Variants in ACSM3 observed in about 807,000 individuals in gnomAD.
The protein encoded by ACSM3 is acyl-CoA synthetase medium chain family member 3, also known as acyl-coenzyme A synthetase ACSM3, mitochondrial.
A neutral mutation model predicts 74.1 loss-of-function variants in ACSM3; 61 were observed. That is an observed-to-expected ratio of 0.82 (90% CI 0.67 to 1.02). The LOEUF is 1.02. ACSM3 is among the 50% of genes least tolerant of loss of function. ACSM3 has a pLI of 0.00. For missense variants in ACSM3, 660 were observed against 697.0 expected (o/e 0.95, Z 0.60); for synonymous variants, 213 against 241.5 (o/e 0.88, Z 1.09).
In ACSM3 at chr16:20,682,201, A is replaced by C. The variant is rs920880885; in HGVS notation, c.-190+7379A>C. ...ACCCCACTGGTCTCTCTGATTCCTA[A>C]ATTATCCCACAACAACTGTACTCAG... On this transcript the variant is annotated intron_variant, in intron 1 of 3. Coordinates refer to the ACSM3 transcript ENST00000561584. 3 of 1,569,422 alleles carry C rather than the reference A, an allele frequency of 1.9e-6. No individual in the cohort carries two copies. The African/African-American group carries it at 4.1e-5, about 21-fold the overall frequency.
At chr16:20,752,182 T>G (rs576135319) in intron 2 of ACSM3, among the ~76,000 whole-genome samples, 3 of 151,968 alleles carry the variant, frequency 2.0e-5, no homozygotes, top group African/African-American at 7.2e-5. Flanking sequence ...AGAGCGAGAC[T>G]CTGTCTCACA....
intron 1 of ACSM3, chr16:20,733,543 T>C (rs2079843798): frequency 1.3e-5 from 2 of 152,086 alleles, no homozygotes; most frequent in Admixed American, 1.3e-4. Context: ...TTAATGTTTT[T>C]TAGGCTCATG....
chr16:20,738,037 T>C, intron 1 of ACSM3: 1 of 1,223,996 alleles, frequency 8.2e-7, no homozygotes, highest in South Asian at 1.4e-5. Flanking sequence ...TCACTGGCAA[T>C]GACATAAGTT....
chr16:20,674,710 T>C (rs1055401860), exon 1 of ACSM3: 1 of 152,150 alleles, frequency 6.6e-6, no homozygotes. Context: ...ATCCAAGGCA[T>C]GCCATGGGGG....
chr16:20,682,478 G>A (rs1408007507), intron 1 of ACSM3: 16 of 1,607,604 alleles, frequency 1.0e-5, no homozygotes, highest in Non-Finnish European at 1.4e-5. Context: ...GGATGAGAAA[G>A]GAACTGATTG....
chr16:20,686,019 C>A (rs886619726), intron 1 of ACSM3, among the ~76,000 whole-genome samples: 1 of 151,882 alleles, frequency 6.6e-6, no homozygotes, highest in African/African-American at 2.4e-5. Context: ...ACTGTGCATT[C>A]TTCTCTGTGC....
chr16:20,738,158 C>T (rs1379469661), intron 1 of ACSM3: 1 of 651,686 alleles, frequency 1.5e-6, no homozygotes, highest in African/African-American at 1.8e-5. Flanking sequence ...TATATTTTAA[C>T]TTTTCATCAT....
intron 1 of ACSM3, among the ~76,000 whole-genome samples, chr16:20,688,733 A>G (rs1425272046): frequency 1.3e-5 from 2 of 152,016 alleles, no homozygotes; most frequent in Non-Finnish European, 2.9e-5. Flanking sequence ...GTCAAAGTTC[A>G]CTATCCCTAG....
At chr16:20,705,747 G>T (rs1396828546) in intron 1 of ACSM3, among the ~76,000 whole-genome samples, 1 of 151,970 alleles carries the variant, frequency 6.6e-6, no homozygotes. Context: ...AAGAGAAAAA[G>T]AACATCAATG....
intron 1 of ACSM3, among the ~76,000 whole-genome samples, chr16:20,692,673 A>G (rs1429630108): frequency 3.3e-5 from 5 of 152,196 alleles, no homozygotes; most frequent in African/African-American, 4.8e-5. Flanking sequence ...TTTTCCTACA[A>G]GAGACTTTGC....
intron 1 of ACSM3, chr16:20,741,731 G>A (rs1438839307): frequency 1.9e-6 from 3 of 1,570,880 alleles, no homozygotes; most frequent in Non-Finnish European, 2.6e-6. Context: ...GCTGGGCAGG[G>A]GCCGCCATGG....
chr16:20,794,197 A>G (rs2080669043), intron 12 of ACSM3, among the ~76,000 whole-genome samples: 2 of 152,202 alleles, frequency 1.3e-5, no homozygotes, highest in African/African-American at 4.8e-5. Context: ...CCTGCCAGGC[A>G]GGGTAATTGG....
At chr16:20,695,602 T>G (rs1024664495) in intron 1 of ACSM3, among the ~76,000 whole-genome samples, 1 of 152,164 alleles carries the variant, frequency 6.6e-6, no homozygotes, top group African/African-American at 2.4e-5. Flanking sequence ...ATCTATCATC[T>G]ATTTATCTAT....
intron 12 of ACSM3, among the ~76,000 whole-genome samples, chr16:20,795,459 T>C (rs1226076370): frequency 6.6e-6 from 1 of 152,220 alleles, no homozygotes; most frequent in Non-Finnish European, 1.5e-5. Flanking sequence ...TGGTAATTTG[T>C]TGTTTCAAAT....
intron 1 of ACSM3, among the ~76,000 whole-genome samples, chr16:20,696,985 T>C (rs559551329): frequency 6.6e-6 from 1 of 152,310 alleles, no homozygotes; most frequent in South Asian, 2.1e-4. Context: ...TGTGATAATT[T>C]ACTTGCTGGC....
At chr16:20,776,127 ATACATTTATTTTGT>A in intron 3 of ACSM3, 78 bp downstream of exon 3, 1 of 1,462,386 alleles carries the variant, frequency 6.8e-7, no homozygotes, top group Admixed American at 1.8e-5. Flanking sequence ...AGTAATCATG[ATACATTTATTTTGT>A]TGTGGGCTTA....
chr16:20,696,275 GTCTCTA>G (rs1326545541), intron 1 of ACSM3, among the ~76,000 whole-genome samples: 4 of 152,226 alleles, frequency 2.6e-5, no homozygotes, highest in Admixed American at 2.0e-4. Flanking sequence ...CACTATCTCT[GTCTCTA>G]TCTCTATCTC....
At chr16:20,771,459 T>A (rs941365887) in intron 2 of ACSM3, among the ~76,000 whole-genome samples, 23 of 144,660 alleles carry the variant, frequency 1.6e-4, no homozygotes, top group African/African-American at 5.5e-4. Context: ...TTTTTTAAGC[T>A]CCCACATATG....
intron 1 of ACSM3, among the ~76,000 whole-genome samples, chr16:20,768,880 T>C (rs965790989): frequency 3.3e-5 from 5 of 152,206 alleles, no homozygotes; most frequent in Admixed American, 3.3e-4. Flanking sequence ...GATCACTGAC[T>C]TGTCAGGTCT....
Sources: gnomAD v4.1 joint callset for allele counts (sites outside exome capture counted in the v4.1 genomes callset) on GRCh38, gnomAD v4.1.1 for gene constraint, MANE v1.5 for transcripts, NCBI Gene and HGNC (gene_info 2026-07-23, HGNC 2026-07-21) for gene names.